LSAMP: variants seen among roughly 807,000 people sequenced by gnomAD.
LSAMP encodes the protein limbic system-associated membrane protein.
LSAMP carries 7 observed loss-of-function variants against 38.6 expected under a neutral mutation model. The ratio of observed to expected loss-of-function variants is 0.18; its 90% CI spans 0.10 to 0.34. LSAMP has a LOEUF of 0.34. Ranked by LOEUF, LSAMP falls within the 10% of genes least tolerant of loss-of-function variation. LSAMP has a pLI of 1.00. For synonymous variants in LSAMP, 154 were observed against 166.8 expected, an observed-to-expected ratio of 0.92 and a Z score of 0.59; for missense variants, 313 against 420.0, an observed-to-expected ratio of 0.75 and a Z score of 2.23.
intron 3 of LSAMP, among the ~76,000 whole-genome samples, chr3:115,986,422 A>G (rs926194736): frequency 1.1e-4 from 17 of 152,316 alleles, no homozygotes; most frequent in African/African-American, 4.1e-4. Context: ...AGGGATACAT[A>G]TATCACCAAA....
At chr3:116,029,788 G>C (rs1248855496) in intron 2 of LSAMP, among the ~76,000 whole-genome samples, 1 of 152,092 alleles carries the variant, frequency 6.6e-6, no homozygotes, top group East Asian at 1.9e-4. Flanking sequence ...CCTCCGAGAT[G>C]TAGCCAGCAT....
intron 1 of LSAMP, among the ~76,000 whole-genome samples, chr3:116,258,375 A>G (rs1226404035): frequency 6.6e-6 from 1 of 152,010 alleles, no homozygotes; most frequent in Non-Finnish European, 1.5e-5. Flanking sequence ...TGTTTCATTT[A>G]ATTCTTCTGT....
At chr3:116,114,184 A>G (rs1214668397) in intron 1 of LSAMP, among the ~76,000 whole-genome samples, 1 of 152,142 alleles carries the variant, frequency 6.6e-6, no homozygotes, top group Non-Finnish European at 1.5e-5. Context: ...CCCTATACCT[A>G]TAGCACCCCA....
rs1204851950 is a variant in LSAMP at position 115,842,453 on chromosome 3, C to G, written c.770+5G>C. ...GTCATGGGGGATGGTAGGTTTGGCA[C>G]ATACCTAGTGTCATCCCGGTACCAC... On this transcript the variant is annotated splice_donor_5th_base_variant and intron_variant, in intron 5 of 6. Coordinates refer to ENST00000490035, the MANE Select transcript of LSAMP (RefSeq NM_002338.5). 2 of 1,613,250 alleles carry G rather than the reference C, an allele frequency of 1.2e-6. No individual in the cohort carries two copies. Among genetic ancestry groups the G allele is most frequent in the African/African-American group, 2.7e-5 (2 of 74,908 alleles).
intron 1 of LSAMP, among the ~76,000 whole-genome samples, chr3:116,175,393 CA>C (rs1314908337): frequency 2.0e-5 from 3 of 151,986 alleles, no homozygotes; most frequent in Non-Finnish European, 4.4e-5. Flanking sequence ...TGGGAACAGT[CA>C]ATATCCTCCT....
At chr3:116,220,185 A>ACACACACAC (rs1553714688) in intron 1 of LSAMP, among the ~76,000 whole-genome samples, 3 of 141,376 alleles carry the variant, frequency 2.1e-5, no homozygotes, top group Non-Finnish European at 3.0e-5. Flanking sequence ...TCCATCTCAA[A>ACACACACAC]ACACACACAC....
intron 3 of LSAMP, among the ~76,000 whole-genome samples, chr3:115,997,987 A>T (rs1939876720): frequency 6.7e-6 from 1 of 149,466 alleles, no homozygotes. Flanking sequence ...CGTGTGTGTG[A>T]TATGGGGCTT....
At chr3:116,142,734 G>A (rs1483168407) in intron 1 of LSAMP, among the ~76,000 whole-genome samples, 2 of 151,870 alleles carry the variant, frequency 1.3e-5, no homozygotes. Context: ...ATTTGACTAT[G>A]GCCTGTTACA....
intron 1 of LSAMP, among the ~76,000 whole-genome samples, chr3:116,277,705 T>A (rs572116837): frequency 6.6e-6 from 1 of 152,236 alleles, no homozygotes; most frequent in Non-Finnish European, 1.5e-5. Flanking sequence ...GTTTAAAGAG[T>A]GTAACCACAA....
intron 1 of LSAMP, among the ~76,000 whole-genome samples, chr3:116,153,409 C>T (rs1709656951): frequency 6.6e-6 from 1 of 152,120 alleles, no homozygotes; most frequent in South Asian, 2.1e-4. Flanking sequence ...TTAAATTATG[C>T]CACATGCTAT....
rs1330752271 is a variant in LSAMP at position 116,110,918 on chromosome 3, G to T, written c.156-24362C>A. ...AAAGAGTCAGCGAAGGGAGGTAGGG[G>T]TGGGGCCGTTTTATAGGATTTAGGA... On this transcript the variant is annotated intron_variant, in intron 1 of 6. Transcript: ENST00000490035. 2.6e-5 allele frequency among the ~76,000 whole-genome samples: 4 copies of T among 152,180 alleles called. No individual in the cohort carries two copies. The East Asian group carries it at 7.8e-4, about 30-fold the overall frequency.
At chr3:116,254,385 T>C (rs528632996) in intron 1 of LSAMP, among the ~76,000 whole-genome samples, 146 of 150,550 alleles carry the variant, frequency 9.7e-4, no homozygotes, top group African/African-American at 2.6e-3. Context: ...AGTGAAGAGA[T>C]TATTAAAGAG....
At chr3:115,818,753 TTATA>T (rs200161366) in intron 6 of LSAMP, among the ~76,000 whole-genome samples, 3 of 113,462 alleles carry the variant, frequency 2.6e-5, no homozygotes, top group African/African-American at 6.2e-5. Context: ...ATATAATAAA[TTATA>T]TATATATATA....
At chr3:116,004,476 T>C (rs999352319) in intron 3 of LSAMP, among the ~76,000 whole-genome samples, 2 of 124,164 alleles carry the variant, frequency 1.6e-5, no homozygotes, top group African/African-American at 6.1e-5. Flanking sequence ...ACATACACTA[T>C]TATGCATACA....
intron 1 of LSAMP, among the ~76,000 whole-genome samples, chr3:116,424,596 G>T (rs979074371): frequency 6.6e-6 from 1 of 152,170 alleles, no homozygotes; most frequent in Non-Finnish European, 1.5e-5. Flanking sequence ...AAATTATAAA[G>T]AATACTTCTA....
intron 3 of LSAMP, among the ~76,000 whole-genome samples, chr3:115,898,636 A>T (rs1402257889): frequency 6.7e-6 from 1 of 150,028 alleles, no homozygotes; most frequent in Non-Finnish European, 1.5e-5. Flanking sequence ...CACCCAAAAG[A>T]CATTTCTTTG....
At chr3:116,300,474 C>G (rs895978259) in intron 1 of LSAMP, among the ~76,000 whole-genome samples, 5 of 152,184 alleles carry the variant, frequency 3.3e-5, no homozygotes, top group African/African-American at 1.2e-4. Context: ...GGGTCCCCAG[C>G]CCCATACTGG....
intron 1 of LSAMP, among the ~76,000 whole-genome samples, chr3:116,169,044 T>A (rs1242365711): frequency 1.3e-5 from 2 of 152,022 alleles, no homozygotes; most frequent in African/African-American, 2.4e-5. Flanking sequence ...TCACAAAAAA[T>A]TTAAAAAACA....
intron 1 of LSAMP, among the ~76,000 whole-genome samples, chr3:116,212,263 T>C (rs2046167114): frequency 6.6e-6 from 1 of 152,210 alleles, no homozygotes; most frequent in South Asian, 2.1e-4. Context: ...AGGTGCCAAG[T>C]GATTCAGGAG....
Sources: gnomAD v4.1 joint callset for allele counts (sites outside exome capture counted in the v4.1 genomes callset) on GRCh38, gnomAD v4.1.1 for gene constraint, MANE v1.5 for transcripts, NCBI Gene and HGNC (gene_info 2026-07-23, HGNC 2026-07-21) for gene names.